The following NIPAL3 variants were observed in gnomAD, a reference collection of about 807,000 sequenced individuals.
NIPAL3 encodes NIPA like domain containing 3.
In NIPAL3, 41 loss-of-function variants were observed where a neutral mutation model predicts 47.2. The ratio of observed to expected loss-of-function variants is 0.87; its 90% CI spans 0.68 to 1.13. The LOEUF (loss-of-function observed/expected upper bound fraction) is 1.13, where lower values mean the gene tolerates loss of function less well. Among genes scored for constraint, NIPAL3 ranks in the 50% most tolerant of loss-of-function variants. The probability of loss-of-function intolerance (pLI) is 0.00; values close to 1 mark genes in which losing one functional copy is unlikely to be tolerated. For missense variants in NIPAL3, 449 were observed against 530.1 expected (o/e 0.85, Z 1.50); for synonymous variants, 194 against 209.6 (o/e 0.93, Z 0.64).
intron 6 of NIPAL3, among the ~76,000 whole-genome samples, chr1:24,452,853 A>ATTTTTTTT (rs3054551): frequency 9.7e-5 from 12 of 124,216 alleles, no homozygotes; most frequent in East Asian, 2.3e-4. Context: ...CGCCCAGCTA[A>ATTTTTTTT]TTTTTTTTTT....
intron 8 of NIPAL3, chr1:24,457,827 A>G (rs1646290394): frequency 1.9e-6 from 1 of 533,102 alleles, no homozygotes; most frequent in African/African-American, 1.9e-5. Context: ...CTCTAGGGAA[A>G]TGCCCGGTAA....
chr1:24,441,973 G>A (rs745469534), intron 3 of NIPAL3, 82 bp from the exon 4 acceptor site: 160 of 1,415,322 alleles, frequency 1.1e-4, no homozygotes, highest in Non-Finnish European at 1.5e-4. Flanking sequence ...TTTGCAAGTT[G>A]GGGGTGGATT....
In NIPAL3 at chr1:24,464,064, G is replaced by A. The variant is rs373629503; in HGVS notation, c.965G>A (p.Arg322His). The A allele has an allele frequency of 4.8e-5, 77 of 1,613,100 alleles. No individual in the cohort carries two copies. The highest frequency in any genetic ancestry group is 4.2e-4 in the East Asian group (19 of 44,854). Residue 322 changes from arginine to histidine, a missense_variant, in exon 11 of 12, where the codon CGT (arginine) becomes CAT (histidine). Arg to His is a conservative substitution (Grantham distance 29). Transcript: ENST00000374399. The stretch of plus-strand genomic sequence containing the variant: ...TTCTTGGGCGTCTTCTTAATCACGC[G>A]TAACAGGAAGAAGCCCATTCCATTT... ...IAFLGVFLIT[R>H]NRKKPIPFEP...
chr1:24,427,764 G>T lies in NIPAL3; in HGVS notation c.93+8124G>T, dbSNP rs79187861. ...ACAGAAAGGGCTTAGCACACCATGT[G>T]CTCCATCAATACCAGCCTTTATTAT... On this transcript the variant is annotated intron_variant, in intron 2 of 11. Coordinates refer to ENST00000374399, the MANE Select transcript of NIPAL3 (RefSeq NM_020448.5). 1.2e-3 allele frequency among the ~76,000 whole-genome samples: 188 copies of T among 152,290 alleles called. 1 individual carries two copies. The East Asian group carries it at 0.035, about 29-fold the overall frequency.
chr1:24,434,503 A>G (rs1645013420), intron 2 of NIPAL3, among the ~76,000 whole-genome samples: 1 of 152,220 alleles, frequency 6.6e-6, no homozygotes, highest in Non-Finnish European at 1.5e-5. Flanking sequence ...TGAATAGCGT[A>G]TACCCCACTT....
chr1:24,444,578 A>G (rs1399949373), intron 4 of NIPAL3, among the ~76,000 whole-genome samples: 1 of 152,218 alleles, frequency 6.6e-6, no homozygotes, highest in East Asian at 1.9e-4. Flanking sequence ...GTGAAGTGAC[A>G]TATCCAAGGA....
At chr1:24,419,224 A>C (rs1644200108) in intron 1 of NIPAL3, 67 bp from the exon 2 acceptor site, 1 of 829,412 alleles carries the variant, frequency 1.2e-6, no homozygotes, top group African/African-American at 1.8e-5. Context: ...TTCTCTTCTC[A>C]GATAACAAAG....
intron 2 of NIPAL3, among the ~76,000 whole-genome samples, chr1:24,439,091 GTTCAC>G (rs1436444512): frequency 6.6e-6 from 1 of 152,098 alleles, no homozygotes; most frequent in African/African-American, 2.4e-5. Context: ...TGGGTACTGT[GTTCAC>G]TTATTTGGGT....
chr1:24,421,365 GA>G (rs1311295824), intron 2 of NIPAL3, among the ~76,000 whole-genome samples: 1 of 151,810 alleles, frequency 6.6e-6, no homozygotes, highest in Non-Finnish European at 1.5e-5. Flanking sequence ...AAAAAAGAAA[GA>G]AAAAAAGATC....
At chr1:24,447,306 G>T (rs1645716094) in intron 5 of NIPAL3, among the ~76,000 whole-genome samples, 1 of 152,206 alleles carries the variant, frequency 6.6e-6, no homozygotes, top group African/African-American at 2.4e-5. Context: ...TAGAGAGATG[G>T]ATAGATTTGT....
At chr1:24,447,357 T>C (rs1570313463) in intron 5 of NIPAL3, among the ~76,000 whole-genome samples, 1 of 152,238 alleles carries the variant, frequency 6.6e-6, no homozygotes, top group Non-Finnish European at 1.5e-5. Flanking sequence ...AGAATCTGGC[T>C]GTTGGGACTA....
At position 24,471,352 on chromosome 1, in the gene NIPAL3, T is replaced by A. The variant is rs1289069984; in HGVS notation, c.*2167T>A. On this transcript the variant is annotated 3_prime_UTR_variant, in exon 12 of 12. Transcript: ENST00000374399. ...ACTTTGGGAGGCCAAGGCTGGAGGATCACTTGAGCCCAGGAGTTTTATATC... is the reference window on the plus strand; with the variant it reads ...ACTTTGGGAGGCCAAGGCTGGAGGAACACTTGAGCCCAGGAGTTTTATATC... 6.5e-6 allele frequency: 1 copy of A among 152,688 alleles called. No homozygotes were observed. Among genetic ancestry groups the A allele is most frequent in the African/African-American group, 2.4e-5 (1 of 41,402 alleles). The allele number at this position is 152,688 out of a possible 1,614,324, so 9.5% of individuals were successfully genotyped here. A position where few individuals can be genotyped will look rare whatever the true frequency, so the allele number is the denominator to read the frequency against.
At chr1:24,447,195 G>C (rs572508219) in intron 5 of NIPAL3, among the ~76,000 whole-genome samples, 1 of 152,170 alleles carries the variant, frequency 6.6e-6, no homozygotes, top group African/African-American at 2.4e-5. Flanking sequence ...GGCCGGGGCC[G>C]GGGCATTGGC....
chr1:24,423,319 G>C (rs780525884), intron 2 of NIPAL3, among the ~76,000 whole-genome samples: 10 of 152,206 alleles, frequency 6.6e-5, no homozygotes, highest in Non-Finnish European at 1.5e-4. Context: ...TCCATGGATG[G>C]CTAATGCCAT....
At chr1:24,446,940 C>T (rs960824289) in intron 5 of NIPAL3, among the ~76,000 whole-genome samples, 8 of 152,132 alleles carry the variant, frequency 5.3e-5, no homozygotes, top group Admixed American at 4.6e-4. Context: ...ATCCCCAGGT[C>T]TGTGGGCCGG....
chr1:24,442,793 GAAAC>G (rs1353921403), intron 4 of NIPAL3, among the ~76,000 whole-genome samples: 3 of 151,958 alleles, frequency 2.0e-5, no homozygotes, highest in South Asian at 4.2e-4. Flanking sequence ...TCTACAAAAT[GAAAC>G]AAACAAACAA....
intron 9 of NIPAL3, among the ~76,000 whole-genome samples, chr1:24,459,748 G>A (rs1646385300): frequency 6.6e-6 from 1 of 152,258 alleles, no homozygotes; most frequent in Non-Finnish European, 1.5e-5. Flanking sequence ...TTGACCCAGA[G>A]CAGCCAGAAG....
intron 11 of NIPAL3, chr1:24,465,938 A>G: frequency 6.5e-7 from 1 of 1,544,586 alleles, no homozygotes; most frequent in South Asian, 1.2e-5. Context: ...CAGTCTAAAC[A>G]GAGGTGCTTT....
At chr1:24,468,863 A>G in intron 11 of NIPAL3, 123 bp from the exon 12 acceptor site, 1 of 856,304 alleles carries the variant, frequency 1.2e-6, no homozygotes. Context: ...GCATTCAGGA[A>G]ATTGACAATG....
Sources: gnomAD v4.1 joint callset for allele counts (sites outside exome capture counted in the v4.1 genomes callset) on GRCh38, gnomAD v4.1.1 for gene constraint, MANE v1.5 for transcripts, NCBI Gene and HGNC (gene_info 2026-07-23, HGNC 2026-07-21) for gene names.